PDZRN4: variants seen among roughly 807,000 people sequenced by gnomAD.
The protein encoded by PDZRN4 is PDZ domain containing ring finger 4.
Under a neutral mutation model 99.0 loss-of-function variants are expected in PDZRN4, and 70 were observed. The ratio of observed to expected loss-of-function variants is 0.71; its 90% CI spans 0.58 to 0.86. The LOEUF is 0.86. Among genes scored for constraint, PDZRN4 ranks in the 40% least tolerant of loss-of-function variants. The pLI, the probability that PDZRN4 is intolerant of heterozygous loss-of-function variation, is 0.00. For synonymous variants in PDZRN4, 551 were observed against 501.6 expected, an observed-to-expected ratio of 1.10 and a Z score of -1.32; for missense variants, 1,474 against 1,331.2, an observed-to-expected ratio of 1.11 and a Z score of -1.67.
chr12:41,326,727 T>A (rs941654831), intron 3 of PDZRN4, among the ~76,000 whole-genome samples: 1 of 152,130 alleles, frequency 6.6e-6, no homozygotes. Flanking sequence ...GAGTCCTAAC[T>A]AGATGCACAT....
intron 3 of PDZRN4, among the ~76,000 whole-genome samples, chr12:41,352,349 G>C (rs965403871): frequency 6.6e-6 from 1 of 152,124 alleles, no homozygotes; most frequent in East Asian, 1.9e-4. Context: ...ACAGACTTAA[G>C]CATGTCAGAT....
chr12:41,397,002 TA>T (rs11311422), intron 3 of PDZRN4, among the ~76,000 whole-genome samples: 74,748 of 151,132 alleles, frequency 0.49, 18,890 homozygotes, highest in African/African-American at 0.63. Flanking sequence ...TAGTGTAATG[TA>T]AAAAAAAAAT....
At chr12:41,193,999 A>G (rs1950754065) in intron 2 of PDZRN4, 82 bp from the exon 3 acceptor site, 1 of 688,244 alleles carries the variant, frequency 1.5e-6, no homozygotes, top group Admixed American at 2.3e-5. Context: ...GAGGATTGGT[A>G]ATGTTACATT....
intron 3 of PDZRN4, among the ~76,000 whole-genome samples, chr12:41,358,437 A>G (rs965281276): frequency 3.3e-5 from 5 of 151,980 alleles, no homozygotes; most frequent in African/African-American, 9.7e-5. Context: ...GAAATTTTCA[A>G]TGTGTCAAGA....
chr12:41,249,287 A>C (rs1051183102), intron 3 of PDZRN4, among the ~76,000 whole-genome samples: 1 of 152,208 alleles, frequency 6.6e-6, no homozygotes, highest in Non-Finnish European at 1.5e-5. Context: ...CAAAAAGTAC[A>C]TTGTTAGTAT....
intron 7 of PDZRN4, among the ~76,000 whole-genome samples, 189 bp from the exon 8 acceptor site, chr12:41,563,359 C>CG (rs778294738): frequency 6.6e-5 from 10 of 152,120 alleles, no homozygotes; most frequent in Admixed American, 6.5e-5. Context: ...CCATCCTTCA[C>CG]GGATCGATAT....
intron 3 of PDZRN4, among the ~76,000 whole-genome samples, chr12:41,364,648 T>C (rs1489087346): frequency 2.6e-5 from 4 of 152,110 alleles, no homozygotes; most frequent in African/African-American, 4.8e-5. Flanking sequence ...AAATCCCTAC[T>C]AAACAGGTTC....
At chr12:41,435,732 G>A (rs765320609) in intron 3 of PDZRN4, among the ~76,000 whole-genome samples, 5 of 152,140 alleles carry the variant, frequency 3.3e-5, no homozygotes, top group Non-Finnish European at 7.4e-5. Context: ...AGGTTCCACT[G>A]AGCCAAAATG....
Position 41,572,536 on chromosome 12 carries a change from GA to G in PDZRN4, c.1758del (p.Asp587ThrfsTer87). 6.2e-7 allele frequency: 1 copy of G among 1,614,116 alleles called. No homozygotes were observed. The highest frequency in any genetic ancestry group is 8.5e-7 in the Non-Finnish European group (1 of 1,180,020). On this transcript the variant is annotated frameshift_variant, in exon 10 of 10. Coordinates refer to ENST00000402685, the MANE Select transcript of PDZRN4 (RefSeq NM_001164595.2). LOFTEE classifies it high-confidence loss of function. ...DPNSTSLKSK[R>X]DLGQSQDTLG... ...AATAGCACATCTTTGAAGAGCAAGA[GA>G]GACCTGGGGCAGAGCCAAGACACTC...
chr12:41,441,079 C>A (rs1000046155), intron 3 of PDZRN4, among the ~76,000 whole-genome samples: 2 of 151,956 alleles, frequency 1.3e-5, no homozygotes, highest in Admixed American at 1.3e-4. Context: ...TGATTGATTA[C>A]GTGATGGTGA....
chr12:41,233,826 C>T (rs951716185), intron 3 of PDZRN4, among the ~76,000 whole-genome samples: 27 of 151,702 alleles, frequency 1.8e-4, no homozygotes, highest in East Asian at 5.8e-4. Context: ...CATTAGGAGA[C>T]ATACCTAATA....
intron 3 of PDZRN4, among the ~76,000 whole-genome samples, chr12:41,239,255 C>T (rs917005733): frequency 6.6e-6 from 1 of 152,088 alleles, no homozygotes; most frequent in African/African-American, 2.4e-5. Context: ...CAAGTGGGAG[C>T]TGAATGATGA....
intron 7 of PDZRN4, among the ~76,000 whole-genome samples, chr12:41,559,234 A>G (rs1366653858): frequency 6.6e-6 from 1 of 152,146 alleles, no homozygotes; most frequent in African/African-American, 2.4e-5. Context: ...GGATTGTTAT[A>G]GAGTAGGGAT....
chr12:41,420,192 C>T lies in PDZRN4; in HGVS notation c.844-86264C>T, dbSNP rs1427682809. ...TATCTTTAGTCAGAATTGTCTTCTG[C>T]CTAAGAAAATAAAATCTTCCTTCAA... On this transcript the variant is annotated intron_variant, in intron 3 of 9. Coordinates refer to ENST00000402685, the MANE Select transcript of PDZRN4 (RefSeq NM_001164595.2). Among the ~76,000 whole-genome samples the T allele has an allele frequency of 3.3e-5, 5 of 152,112 alleles. No individual in the cohort carries two copies. The East Asian group carries it at 9.6e-4, about 29-fold the overall frequency.
At chr12:41,208,553 A>G (rs2043134) in intron 3 of PDZRN4, among the ~76,000 whole-genome samples, 104,829 of 151,810 alleles carry the variant, frequency 0.69, 36,464 homozygotes, top group South Asian at 0.76. Context: ...CTTTTAGAAT[A>G]ATCACAACCT....
intron 3 of PDZRN4, among the ~76,000 whole-genome samples, chr12:41,462,462 C>A (rs1174674628): frequency 1.3e-5 from 2 of 152,196 alleles, no homozygotes. Context: ...TGCTGCTAAT[C>A]TCTCTACCTG....
chr12:41,530,954 G>T (rs1012851999), intron 5 of PDZRN4, among the ~76,000 whole-genome samples: 3 of 151,872 alleles, frequency 2.0e-5, no homozygotes, highest in Non-Finnish European at 2.9e-5. Flanking sequence ...CATACAGACC[G>T]GCAGGCTGTG....
At chr12:41,540,893 CCCTTTTCTTCGTT>C in intron 5 of PDZRN4, among the ~76,000 whole-genome samples, 1 of 38,622 alleles carries the variant, frequency 2.6e-5, no homozygotes, top group Non-Finnish European at 4.8e-5. Flanking sequence ...TTGTTGTTGT[CCCTTTTCTTCGTT>C]GTTGTTGTTG....
chr12:41,384,000 TTTTTTTTTTTTTTTTTTTTTG>T, intron 3 of PDZRN4, among the ~76,000 whole-genome samples: 1 of 13,018 alleles, frequency 7.7e-5, no homozygotes, highest in Non-Finnish European at 1.8e-4. Flanking sequence ...TTTTTTTTTT[TTTTTTTTTTTTTTTTTTTTTG>T]AGACGGAATC....
Sources: gnomAD v4.1 joint callset for allele counts (sites outside exome capture counted in the v4.1 genomes callset) on GRCh38, gnomAD v4.1.1 for gene constraint, MANE v1.5 for transcripts, NCBI Gene and HGNC (gene_info 2026-07-23, HGNC 2026-07-21) for gene names.